UGT2A1: variants seen among roughly 807,000 people sequenced by gnomAD.
The protein encoded by UGT2A1 is UDP-glucuronosyltransferase 2A1.
UGT2A1 carries 61 observed loss-of-function variants against 45.4 expected under a neutral mutation model. That is an observed-to-expected ratio of 1.34 (90% confidence interval 1.09 to 1.66). The LOEUF is 1.66. UGT2A1 is among the 40% of genes most tolerant of loss of function. UGT2A1 has a pLI of 0.00. For synonymous variants in UGT2A1, 229 were observed against 196.2 expected, an observed-to-expected ratio of 1.17 and a Z score of -1.40; for missense variants, 649 against 574.3, an observed-to-expected ratio of 1.13 and a Z score of -1.33.
chr4:69,649,650 C>T lies in UGT2A1; in HGVS notation c.-54-1952G>A, dbSNP rs1395523807. Among the ~76,000 whole-genome samples the T allele has an allele frequency of 2.0e-5, 3 of 152,070 alleles. No homozygotes were observed. In the East Asian group the frequency reaches 5.8e-4, roughly 29 times the overall value. On this transcript the variant is annotated intron_variant, in intron 1 of 6. Transcript: ENST00000286604. ...CACAGATAAACAGGCAAGGTCGACC[C>T]TAAAACACCCTTGTCTTTTGTAACC... is the stretch of plus-strand genomic sequence containing the variant.
At chr4:69,602,675 T>A (rs1341706328) in intron 3 of UGT2A1, among the ~76,000 whole-genome samples, 6 of 137,634 alleles carry the variant, frequency 4.4e-5, no homozygotes, top group Non-Finnish European at 9.3e-5. Flanking sequence ...CTGAAAAACT[T>A]GGAATAGTTT....
chr4:69,636,823 A>T (rs914114408), intron 2 of UGT2A1, among the ~76,000 whole-genome samples: 2 of 152,120 alleles, frequency 1.3e-5, no homozygotes, highest in East Asian at 3.8e-4. Context: ...GATCCTCCTA[A>T]CGAATATAGT....
intron 3 of UGT2A1, among the ~76,000 whole-genome samples, chr4:69,602,024 G>A (rs1719324987): frequency 7.3e-6 from 1 of 136,730 alleles, no homozygotes; most frequent in Admixed American, 7.2e-5. Flanking sequence ...CAAATTAAAA[G>A]TCAATCATAC....
chr4:69,634,425 G>A (rs193051689), intron 3 of UGT2A1, among the ~76,000 whole-genome samples: 81 of 152,118 alleles, frequency 5.3e-4, no homozygotes, highest in Non-Finnish European at 9.1e-4. Flanking sequence ...AGTGGGGATA[G>A]GAAACGGAGA....
In UGT2A1 at chr4:69,605,548, C is replaced by A. The variant is rs1158060440; in HGVS notation, c.848-6154G>T. Among the ~76,000 whole-genome samples, 2 of 135,914 alleles carry A rather than the reference C, an allele frequency of 1.5e-5. 1 individual carries two copies. The highest frequency in any genetic ancestry group is 1.5e-4 in the Admixed American group (2 of 13,782). The allele number at this position is 135,914 out of a possible 152,430, so 89.2% of individuals were successfully genotyped here. On this transcript the variant is annotated intron_variant, in intron 3 of 6. Transcript: ENST00000286604. The stretch of plus-strand genomic sequence containing the variant: ...AGAGCATAACACATTCAAGACCTAG[C>A]AGAAGGCAAGAAAAAACTAAGATCA...
intron 3 of UGT2A1, among the ~76,000 whole-genome samples, chr4:69,618,130 G>A (rs185842316): frequency 4.3e-4 from 65 of 151,288 alleles, no homozygotes; most frequent in Admixed American, 1.2e-3. Context: ...ATCCGTGTAC[G>A]TAATCATCAT....
Position 69,647,706 on chromosome 4 carries a change from A to G in UGT2A1, c.-54-8T>C, listed in dbSNP as rs1277201266. 14 of 1,219,078 alleles carry G rather than the reference A, an allele frequency of 1.1e-5. No homozygotes were observed. The highest frequency in any genetic ancestry group is 1.4e-5 in the Non-Finnish European group (13 of 897,496). 75.5% of individuals were successfully genotyped at this position (1,219,078 alleles called of 1,614,324 possible). A position where few individuals can be genotyped will look rare whatever the true frequency, so the allele number is the denominator to read the frequency against. On this transcript the variant is annotated splice_polypyrimidine_tract_variant and splice_region_variant and intron_variant, in intron 1 of 6. Coordinates refer to ENST00000286604, the MANE Select transcript of UGT2A1 (RefSeq NM_001252275.3). ...AGCAAATGTTTTTCTCTGCTTTTAA[A>G]GAAAAAAAGGAAAGACAAAATTATT...
intron 4 of UGT2A1, 99 bp from the exon 5 acceptor site, chr4:69,595,348 G>T: frequency 7.2e-7 from 1 of 1,381,320 alleles, no homozygotes; most frequent in Non-Finnish European, 1.0e-6. Context: ...CTACTTGGAA[G>T]ACGGGAATTA....
intron 2 of UGT2A1, among the ~76,000 whole-genome samples, chr4:69,640,919 G>T (rs1722017809): frequency 1.3e-5 from 2 of 151,778 alleles, no homozygotes; most frequent in African/African-American, 2.4e-5. Context: ...AGTAAAAGGG[G>T]TTTAAAAATC....
rs372990023 is a variant in UGT2A1 at position 69,599,333 on chromosome 4, A to G, written c.909T>C (p.Tyr303=). 3.1e-6 allele frequency: 5 copies of G among 1,613,752 alleles called. No homozygotes were observed. Among genetic ancestry groups the G allele is most frequent in the Non-Finnish European group, 4.2e-6 (5 of 1,179,934 alleles). The change falls in exon 4 of 7, where the codon TAT becomes TAC. Residue 303 remains tyrosine, a synonymous_variant. Coordinates refer to ENST00000286604, the MANE Select transcript of UGT2A1 (RefSeq NM_001252275.3). Reference sequence around the variant, plus strand: ...ATGGACGAGGAAATTCAAAATCCCAATATGTTCGGATTAACCAAATTTCAG... The same window carrying G: ...ATGGACGAGGAAATTCAAAATCCCAGTATGTTCGGATTAACCAAATTTCAG... ...GKAEIWLIRT[Y]WDFEFPRPYL...
chr4:69,596,112 CACA>C (rs1322822959), intron 4 of UGT2A1: 7 of 1,237,068 alleles, frequency 5.7e-6, no homozygotes, highest in East Asian at 2.9e-5. Flanking sequence ...TAATATATTA[CACA>C]ACGTTACTTA....
intron 3 of UGT2A1, among the ~76,000 whole-genome samples, chr4:69,610,890 G>T (rs1442185795): frequency 1.4e-4 from 21 of 152,098 alleles, no homozygotes; most frequent in Admixed American, 1.2e-3. Context: ...CACACCACTG[G>T]TTAGGAAGTT....
At chr4:69,632,837 G>A (rs184129183) in intron 3 of UGT2A1, among the ~76,000 whole-genome samples, 136 of 150,596 alleles carry the variant, frequency 9.0e-4, no homozygotes, top group African/African-American at 3.2e-3. Flanking sequence ...GCAGTGAGCC[G>A]AGATTGCGCC....
At chr4:69,603,661 A>C (rs1218089089) in intron 3 of UGT2A1, 1 of 136,118 alleles carries the variant, frequency 7.3e-6, no homozygotes, top group African/African-American at 3.0e-5. Flanking sequence ...AGAGGTTAAA[A>C]ACCTTGAAAA....
chr4:69,607,442 G>A (rs1719708900), intron 3 of UGT2A1, among the ~76,000 whole-genome samples: 2 of 152,026 alleles, frequency 1.3e-5, no homozygotes, highest in African/African-American at 4.8e-5. Context: ...AGACTTACAT[G>A]TTAGACCTAA....
At chr4:69,600,633 A>T (rs1262481375) in intron 3 of UGT2A1, among the ~76,000 whole-genome samples, 1 of 152,070 alleles carries the variant, frequency 6.6e-6, no homozygotes, top group East Asian at 1.9e-4. Flanking sequence ...TATTTTTTTA[A>T]AAAGAGGTTT....
At chr4:69,599,605 GAGGA>G (rs967287644) in intron 3 of UGT2A1, 1 of 567,758 alleles carries the variant, frequency 1.8e-6, no homozygotes, top group African/African-American at 2.0e-5. Flanking sequence ...GGAAGGAAGG[GAGGA>G]AGGGAGGAAG....
At position 69,640,818 on chromosome 4, in the gene UGT2A1, T is replaced by C. The variant is rs569186233; in HGVS notation, c.716-4996A>G. 2.0e-5 allele frequency among the ~76,000 whole-genome samples: 3 copies of C among 151,948 alleles called. No individual in the cohort carries two copies. In the East Asian group the frequency reaches 5.8e-4, roughly 29 times the overall value. Reference sequence around the variant, plus strand: ...TCAAGAATAAGCCTCAATTTGAATATAGTGGCAGTACCTTAAAAATTAATT... The same window carrying C: ...TCAAGAATAAGCCTCAATTTGAATACAGTGGCAGTACCTTAAAAATTAATT... On this transcript the variant is annotated intron_variant, in intron 2 of 6. Transcript: ENST00000286604.
intron 2 of UGT2A1, chr4:69,639,434 G>A (rs553411785): frequency 6.2e-7 from 1 of 1,613,174 alleles, no homozygotes; most frequent in East Asian, 2.2e-5. Flanking sequence ...TGGAGTTGAT[G>A]AATAGAGTTG....
Sources: gnomAD v4.1 joint callset for allele counts (sites outside exome capture counted in the v4.1 genomes callset) on GRCh38, gnomAD v4.1.1 for gene constraint, MANE v1.5 for transcripts, NCBI Gene and HGNC (gene_info 2026-07-23, HGNC 2026-07-21) for gene names.